Variants in HACE1 observed in about 807,000 individuals in gnomAD.
HACE1 encodes HECT domain and ankyrin repeat containing E3 ubiquitin protein ligase 1.
Under a neutral mutation model 118.4 loss-of-function variants are expected in HACE1, and 73 were observed. The ratio of observed to expected loss-of-function variants is 0.62; its 90% CI spans 0.51 to 0.75. HACE1 has a LOEUF of 0.75. Among genes scored for constraint, HACE1 ranks in the 30% least tolerant of loss-of-function variants. HACE1 has a pLI of 0.00. For synonymous variants in HACE1, 368 were observed against 374.8 expected (o/e 0.98, Z 0.21); for missense variants, 749 against 1,102.2 (o/e 0.68, Z 4.54).
At chr6:104,817,769 G>C (rs1022627347) in intron 6 of HACE1, among the ~76,000 whole-genome samples, 2 of 152,122 alleles carry the variant, frequency 1.3e-5, no homozygotes, top group Admixed American at 1.3e-4. Flanking sequence ...AAAAAAGAAC[G>C]TTATTACAGT....
At position 104,791,559 on chromosome 6, in the gene HACE1, T is replaced by C. The variant is rs1287157812; in HGVS notation, c.1019A>G (p.Asn340Ser). 6.2e-7 allele frequency: 1 copy of C among 1,612,848 alleles called. No individual in the cohort carries two copies. The highest frequency in any genetic ancestry group is 1.7e-5 in the Admixed American group (1 of 59,996). Reference sequence around the variant, plus strand: ...CCCATTGTAGCCCATATCAATTCCATTACTGGGGGAGGATGGACCAATTCG... The same window carrying C: ...CCCATTGTAGCCCATATCAATTCCACTACTGGGGGAGGATGGACCAATTCG... The part of the protein sequence containing the change: ...VFRIGPSSPS[N>S]GIDMGYNGNK... The change falls in exon 11 of 24, where the codon AAT (asparagine) becomes AGT (serine). Residue 340 changes from asparagine to serine, a missense_variant. Physicochemically the swap from Asn to Ser is conservative, Grantham distance 46. Around this residue, in one of 5 missense-constraint regions of HACE1, gnomAD observed 267 missense variants for 312.2 expected, o/e 0.86. Transcript: ENST00000262903.
chr6:104,846,567 A>G (rs1775690385), intron 4 of HACE1, among the ~76,000 whole-genome samples: 1 of 152,208 alleles, frequency 6.6e-6, no homozygotes, highest in South Asian at 2.1e-4. Flanking sequence ...GGACAATCCA[A>G]TACAGCACTA....
rs182346254 is a variant in HACE1 at position 104,792,560 on chromosome 6, A to T, written c.924-906T>A. On this transcript the variant is annotated intron_variant, in intron 10 of 23. Transcript: ENST00000262903. ...ATCTTGTATCACAAATGTCGGAGCA[A>T]AGCAAAGAGTTGCATGAACTTCTGC... Among the ~76,000 whole-genome samples the T allele has an allele frequency of 8.3e-3, 1,265 of 152,246 alleles. 9 individuals carry two copies. The highest frequency in any genetic ancestry group is 0.011 in the Admixed American group (161 of 15,304).
At chr6:104,753,644 A>G (rs1778301911) in intron 19 of HACE1, among the ~76,000 whole-genome samples, 1 of 152,230 alleles carries the variant, frequency 6.6e-6, no homozygotes, top group Non-Finnish European at 1.5e-5. Context: ...GGCAAACCAC[A>G]GCAGCCCTAT....
At chr6:104,812,579 CAAGA>C (rs2114978705) in intron 6 of HACE1, among the ~76,000 whole-genome samples, 1 of 151,918 alleles carries the variant, frequency 6.6e-6, no homozygotes, top group South Asian at 2.1e-4. Flanking sequence ...AAAGGAAGAA[CAAGA>C]AAGAAAACAA....
chr6:104,825,196 A>C (rs894138063), intron 6 of HACE1, among the ~76,000 whole-genome samples: 3 of 152,128 alleles, frequency 2.0e-5, no homozygotes, highest in African/African-American at 7.2e-5. Context: ...GCAGTCAGGG[A>C]ACCTAAGGCC....
At chr6:104,783,251 CCT>C (rs1314653743) in intron 14 of HACE1, among the ~76,000 whole-genome samples, 2 of 152,178 alleles carry the variant, frequency 1.3e-5, no homozygotes, top group South Asian at 2.1e-4. Context: ...TGAAATTTCC[CCT>C]GACTACAGAT....
At chr6:104,745,455 C>CTTTTTTTT (rs370049285) in intron 20 of HACE1, among the ~76,000 whole-genome samples, 5 of 131,980 alleles carry the variant, frequency 3.8e-5, no homozygotes, top group Admixed American at 7.9e-5. Context: ...TCAGGATTTC[C>CTTTTTTTT]TTTTTTTTTG....
chr6:104,802,038 A>C (rs1248759535), intron 7 of HACE1, among the ~76,000 whole-genome samples: 1 of 151,688 alleles, frequency 6.6e-6, no homozygotes, highest in East Asian at 1.9e-4. Flanking sequence ...AAAGCCAAAA[A>C]AAAAAAAAAA....
chr6:104,770,430 A>C (rs988908064), intron 19 of HACE1, among the ~76,000 whole-genome samples: 1 of 152,146 alleles, frequency 6.6e-6, no homozygotes, highest in African/African-American at 2.4e-5. Context: ...ATAATAAATA[A>C]AAATAAGGCC....
intron 19 of HACE1, among the ~76,000 whole-genome samples, chr6:104,755,631 C>G (rs1470608262): frequency 2.0e-5 from 3 of 152,174 alleles, no homozygotes; most frequent in African/African-American, 4.8e-5. Flanking sequence ...GAAATTCACT[C>G]AAAACCACAC....
intron 7 of HACE1, among the ~76,000 whole-genome samples, chr6:104,809,831 T>C (rs1439116730): frequency 1.3e-5 from 2 of 151,804 alleles, no homozygotes; most frequent in African/African-American, 2.4e-5. Context: ...ATTCTGAAGG[T>C]AGAATTTACA....
chr6:104,859,056 T>C (rs1338283276), intron 1 of HACE1, among the ~76,000 whole-genome samples: 1 of 152,120 alleles, frequency 6.6e-6, no homozygotes, highest in Non-Finnish European at 1.5e-5. Context: ...ACTTTAAGAG[T>C]ACCTGTTTGA....
chr6:104,745,026 A>G (rs1378654339), intron 20 of HACE1, among the ~76,000 whole-genome samples: 1 of 152,220 alleles, frequency 6.6e-6, no homozygotes, highest in Non-Finnish European at 1.5e-5. Flanking sequence ...GACCCGAATA[A>G]ATACTTGACT....
chr6:104,823,127 G>A (rs2115031040), intron 6 of HACE1, among the ~76,000 whole-genome samples: 1 of 151,970 alleles, frequency 6.6e-6, no homozygotes, highest in East Asian at 1.9e-4. Context: ...TTTTTTTTAA[G>A]AGAGAAAAAC....
intron 19 of HACE1, among the ~76,000 whole-genome samples, chr6:104,763,218 A>G (rs1779604569): frequency 6.6e-6 from 1 of 152,140 alleles, no homozygotes; most frequent in Non-Finnish European, 1.5e-5. Flanking sequence ...AATAACACAC[A>G]CGTATACTCA....
At chr6:104,737,129 A>C (rs931136041) in intron 22 of HACE1, among the ~76,000 whole-genome samples, 4 of 151,242 alleles carry the variant, frequency 2.6e-5, no homozygotes, top group African/African-American at 9.7e-5. Context: ...ACTAAAAAAA[A>C]AAAAATACAA....
At chr6:104,828,599 C>T (rs772486233) in intron 6 of HACE1, among the ~76,000 whole-genome samples, 13 of 151,850 alleles carry the variant, frequency 8.6e-5, no homozygotes, top group Admixed American at 1.3e-4. Flanking sequence ...TTATTAAATA[C>T]GGATAGAAGT....
chr6:104,795,172 C>G (rs1783483091), intron 10 of HACE1, among the ~76,000 whole-genome samples: 1 of 151,908 alleles, frequency 6.6e-6, no homozygotes, highest in South Asian at 2.1e-4. Context: ...GGGGACAGGT[C>G]AGAGAAAAAA....
Sources: allele counts gnomAD v4.1 joint callset (sites outside exome capture counted in the v4.1 genomes callset), GRCh38; gene constraint gnomAD v4.1.1; regional missense constraint gnomAD v4.1.1; transcripts MANE v1.5; gene names NCBI Gene and HGNC (gene_info 2026-07-23, HGNC 2026-07-21).